DNAH6: variants seen among roughly 807,000 people sequenced by gnomAD.
The protein encoded by DNAH6 is dynein axonemal heavy chain 6, also known as axonemal beta dynein heavy chain 6.
A neutral mutation model predicts 491.4 loss-of-function variants in DNAH6; 340 were observed. That is an observed-to-expected ratio of 0.69 (90% CI 0.63 to 0.76). The LOEUF is 0.76. DNAH6 is among the 30% of genes least tolerant of loss of function. The probability of loss-of-function intolerance (pLI) is 0.00; values close to 1 mark genes in which losing one functional copy is unlikely to be tolerated. For missense variants in DNAH6, 4,443 were observed against 4,972.2 expected (o/e 0.89, Z 3.20); for synonymous variants, 1,603 against 1,686.1 (o/e 0.95, Z 1.21).
At position 84,685,310 on chromosome 2, in the gene DNAH6, T is replaced by C; in HGVS notation, c.6917-16T>C. On this transcript the variant is annotated splice_polypyrimidine_tract_variant and intron_variant, in intron 42 of 76. Transcript: ENST00000389394. The stretch of plus-strand genomic sequence containing the variant: ...GTAGAATTTTTCTTTTTTTTTTTCC[T>C]TTTCTTAAAAAACAGGTATCCTCCA... 2 of 1,436,434 alleles carry C rather than the reference T, an allele frequency of 1.4e-6. No individual in the cohort carries two copies. Among genetic ancestry groups the C allele is most frequent in the South Asian group, 1.5e-5 (1 of 67,952 alleles). 89.0% of individuals were successfully genotyped at this position (1,436,434 alleles called of 1,614,324 possible).
chr2:84,619,625 T>C (rs1317578238), intron 23 of DNAH6, 60 bp from the exon 24 acceptor site: 13 of 1,434,838 alleles, frequency 9.1e-6, no homozygotes, highest in South Asian at 1.2e-5. Flanking sequence ...TTATCTTTTA[T>C]GTCTGTCTAA....
the DNAH6 span, among the ~76,000 whole-genome samples, chr2:84,496,413 T>C: frequency 2.6e-5 from 4 of 152,266 alleles, no homozygotes; most frequent in Admixed American, 2.0e-4. Context: ...ATATATATTC[T>C]GGGCTTACAA....
chr2:84,694,436 G>A lies in DNAH6; in HGVS notation c.7480G>A (p.Gly2494Ser). 1 of 1,552,024 alleles carries A rather than the reference G, an allele frequency of 6.4e-7. No individual in the cohort carries two copies. Among genetic ancestry groups the A allele is most frequent in the South Asian group, 1.2e-5 (1 of 84,058 alleles). ...CCTGAGGAAGTTGTACAAAATGGCT[G>A]GTGTAGAAGACAAGAATATGGTTTT... is the stretch of plus-strand genomic sequence containing the variant. ...EDLRKLYKMA[G>S]VEDKNMVFLF... The change falls in exon 46 of 77, where the codon GGT becomes AGT. Residue 2494 changes from glycine to serine, a missense_variant. Physicochemically the swap from Gly to Ser is moderately conservative, Grantham distance 56. Around this residue, in one of 3 missense-constraint regions of DNAH6, gnomAD observed 2,977 missense variants for 3,296.6 expected, o/e 0.90. Coordinates refer to ENST00000389394, the MANE Select transcript of DNAH6 (RefSeq NM_001370.2).
At chr2:84,652,537 G>T (rs1229571424) in intron 33 of DNAH6, among the ~76,000 whole-genome samples, 3 of 152,006 alleles carry the variant, frequency 2.0e-5, no homozygotes, top group African/African-American at 7.2e-5. Context: ...TCTCACAGAA[G>T]TTTGATTTTT....
intron 62 of DNAH6, among the ~76,000 whole-genome samples, chr2:84,744,495 A>G (rs1199813523): frequency 6.6e-6 from 1 of 152,228 alleles, no homozygotes; most frequent in Admixed American, 6.5e-5. Context: ...TTAGGGCATA[A>G]TGTAAATATG....
chr2:84,742,980 G>A (rs1413956720), intron 62 of DNAH6, among the ~76,000 whole-genome samples: 2 of 152,150 alleles, frequency 1.3e-5, no homozygotes, highest in African/African-American at 4.8e-5. Flanking sequence ...ATTGAAAAGT[G>A]CATTCCCCCC....
intron 4 of DNAH6, among the ~76,000 whole-genome samples, chr2:84,535,991 T>C (rs925256414): frequency 6.6e-6 from 1 of 152,004 alleles, no homozygotes; most frequent in Non-Finnish European, 1.5e-5. Flanking sequence ...ATAGCACTGG[T>C]ATTCAAGTAA....
intron 3 of DNAH6, among the ~76,000 whole-genome samples, chr2:84,527,046 A>G (rs967271669): frequency 2.0e-5 from 3 of 152,188 alleles, no homozygotes; most frequent in African/African-American, 4.8e-5. Flanking sequence ...TGTTTTACAT[A>G]AAATAAGAAA....
At chr2:84,636,276 C>T (rs1230576349) in intron 30 of DNAH6, among the ~76,000 whole-genome samples, 1 of 152,186 alleles carries the variant, frequency 6.6e-6, no homozygotes, top group Non-Finnish European at 1.5e-5. Flanking sequence ...AAGTAAATTG[C>T]TCATCATTTC....
intron 21 of DNAH6, among the ~76,000 whole-genome samples, chr2:84,607,828 C>G (rs1019123150): frequency 1.3e-5 from 2 of 152,066 alleles, no homozygotes; most frequent in Non-Finnish European, 1.5e-5. Flanking sequence ...TGGCAATTTC[C>G]TAAAACAAGA....
intron 10 of DNAH6, among the ~76,000 whole-genome samples, 154 bp downstream of exon 10, chr2:84,553,188 C>G (rs149010307): frequency 8.5e-4 from 130 of 152,288 alleles, no homozygotes; most frequent in African/African-American, 3.1e-3. Context: ...AGCATTATAG[C>G]TATATATAAA....
chr2:84,662,020 A>C (rs1461852403), intron 37 of DNAH6, among the ~76,000 whole-genome samples: 1 of 152,170 alleles, frequency 6.6e-6, no homozygotes, highest in Non-Finnish European at 1.5e-5. Flanking sequence ...ATTTTAATCT[A>C]GGGTGGTTAT....
chr2:84,570,894 C>T (rs187670760), intron 11 of DNAH6, among the ~76,000 whole-genome samples: 15 of 152,250 alleles, frequency 9.9e-5, no homozygotes, highest in East Asian at 3.9e-4. Flanking sequence ...GGAAGGTCTG[C>T]GGCTTCACTA....
chr2:84,529,162 CTA>C lies in DNAH6; in HGVS notation c.659_660del (p.Leu220GlnfsTer6), dbSNP rs767093648. ...RSSIEYDTYN[L>X]KVVSYENINK... Reference sequence around the variant, plus strand: ...ATCCATTGAATATGATACATATAATCTAAAGTGAGTTATTTTTTATGATGCAA... The same window carrying C: ...ATCCATTGAATATGATACATATAATCAAGTGAGTTATTTTTTATGATGCAA... On this transcript the variant is annotated frameshift_variant and splice_region_variant, in exon 4 of 77. Transcript: ENST00000389394. LOFTEE classifies it high-confidence loss of function. 1.4e-5 allele frequency: 22 copies of C among 1,530,600 alleles called. No homozygotes were observed. The highest frequency in any genetic ancestry group is 8.8e-7 in the Non-Finnish European group (1 of 1,133,264). The allele number at this position is 1,530,600 out of a possible 1,614,324, so 94.8% of individuals were successfully genotyped here.
intron 63 of DNAH6, among the ~76,000 whole-genome samples, chr2:84,753,586 C>T (rs1011286085): frequency 2.0e-5 from 3 of 151,428 alleles, no homozygotes; most frequent in Non-Finnish European, 4.4e-5. Flanking sequence ...GGAGAAACCC[C>T]GTCTCTACTA....
At chr2:84,584,351 C>A (rs896740889) in intron 15 of DNAH6, 101 bp downstream of exon 15, 12 of 1,172,478 alleles carry the variant, frequency 1.0e-5, no homozygotes, top group Non-Finnish European at 1.4e-5. Flanking sequence ...TATATATTTA[C>A]AATATATAAT....
chr2:84,471,144 T>G, the DNAH6 span, among the ~76,000 whole-genome samples: 13 of 152,204 alleles, frequency 8.5e-5, no homozygotes, highest in Non-Finnish European at 1.6e-4. Flanking sequence ...CTGCCTCAGC[T>G]TTTTTCCCAA....
At chr2:84,473,575 T>C in the DNAH6 span, among the ~76,000 whole-genome samples, 2 of 152,266 alleles carry the variant, frequency 1.3e-5, no homozygotes, top group Admixed American at 6.5e-5. Flanking sequence ...CGTTTACTGT[T>C]AAGGTTAGAA....
chr2:84,707,784 T>C, intron 54 of DNAH6, 68 bp downstream of exon 54: 1 of 1,268,536 alleles, frequency 7.9e-7, no homozygotes, highest in Non-Finnish European at 1.1e-6. Flanking sequence ...GGTGGTTCAT[T>C]TTTCTGAGTT....
Sources: gnomAD v4.1 joint callset for allele counts (sites outside exome capture counted in the v4.1 genomes callset) on GRCh38, gnomAD v4.1.1 for gene constraint, gnomAD v4.1.1 regional missense constraint, MANE v1.5 for transcripts, NCBI Gene and HGNC (gene_info 2026-07-23, HGNC 2026-07-21) for gene names.